Variants in DEFB126 observed in about 807,000 individuals in gnomAD.
DEFB126 encodes beta-defensin 126.
A neutral mutation model predicts 2.5 loss-of-function variants in DEFB126; 2 were observed. The ratio of observed to expected loss-of-function variants is 0.79; its 90% CI spans 0.32 to 2.49. The LOEUF (loss-of-function observed/expected upper bound fraction) is 2.49. Ranked by LOEUF, DEFB126 falls within the 30% of genes most tolerant of loss-of-function variation. The pLI is 0.11. For synonymous variants in DEFB126, 51 were observed against 45.4 expected (o/e 1.12, Z -0.50); for missense variants, 136 against 135.4 (o/e 1.00, Z -0.02).
chr20:142,631 G>GAAGT lies in DEFB126; in HGVS notation c.4_7dup (p.Ser3Ter). ...TCTATAGAACCCACTGCCTCCTGAT[G>GAAGT]AAGTCCCTACTGTTCACCCTTGCAG... On this transcript the variant is annotated frameshift_variant, in exon 1 of 2. Coordinates refer to ENST00000382398, the MANE Select transcript of DEFB126 (RefSeq NM_030931.4). LOFTEE classifies it high-confidence loss of function. The GAAGT allele has an allele frequency of 1.2e-6, 2 of 1,613,808 alleles. No homozygotes were observed. Among genetic ancestry groups the GAAGT allele is most frequent in the Non-Finnish European group, 1.7e-6 (2 of 1,179,726 alleles).
At chr20:144,988 T>C (rs1306226124) in intron 1 of DEFB126, among the ~76,000 whole-genome samples, 1 of 152,136 alleles carries the variant, frequency 6.6e-6, no homozygotes, top group Non-Finnish European at 1.5e-5. Flanking sequence ...GCCATATGTG[T>C]TTCAGTAATG....
At chr20:144,169 C>A (rs2054658460) in intron 1 of DEFB126, among the ~76,000 whole-genome samples, 1 of 152,038 alleles carries the variant, frequency 6.6e-6, no homozygotes, top group Non-Finnish European at 1.5e-5. Flanking sequence ...GTTTAAATTG[C>A]CTGATTTCTC....
In DEFB126 at chr20:142,810, T is replaced by G. The variant is rs1013083554; in HGVS notation, c.58+124T>G. On this transcript the variant is annotated intron_variant, in intron 1 of 1. Transcript: ENST00000382398. Reference sequence around the variant, plus strand: ...TCTCACTGGGAGCAGGGCTGAGATTTGTCCTACTTCTTCAGACCACCTCTG... The same window carrying G: ...TCTCACTGGGAGCAGGGCTGAGATTGGTCCTACTTCTTCAGACCACCTCTG... The G allele has an allele frequency of 4.0e-6, 4 of 1,008,404 alleles. No homozygotes were observed. In the African/African-American group the frequency reaches 6.4e-5, roughly 16 times the overall value. The allele number at this position is 1,008,404 out of a possible 1,614,324, so 62.5% of individuals were successfully genotyped here.
chr20:145,739 G>T lies in DEFB126; in HGVS notation c.*47G>T, dbSNP rs539055193. The T allele has an allele frequency of 8.2e-6, 13 of 1,576,492 alleles. No individual in the cohort carries two copies. The highest frequency in any genetic ancestry group is 7.7e-6 in the Non-Finnish European group (9 of 1,165,524). On this transcript the variant is annotated 3_prime_UTR_variant, in exon 2 of 2. Transcript: ENST00000382398. Reference sequence around the variant, plus strand: ...GCTCTAGGATCCCCGACTCATTAAAGCAAAGAGGCTTATTCTGGTGTCAGT... The same window carrying T: ...GCTCTAGGATCCCCGACTCATTAAATCAAAGAGGCTTATTCTGGTGTCAGT...
chr20:142,595 G>C lies in DEFB126; in HGVS notation c.-34G>C. ...TGTGTTCAGAGTCATACTGAATAGA[G>C]ACTTCTGGACTCTATAGAACCCACT... On this transcript the variant is annotated 5_prime_UTR_variant, in exon 1 of 2. Transcript: ENST00000382398. 1 of 1,609,858 alleles carries C rather than the reference G, an allele frequency of 6.2e-7. No individual in the cohort carries two copies. Among genetic ancestry groups the C allele is most frequent in the Non-Finnish European group, 8.5e-7 (1 of 1,176,234 alleles).
At chr20:143,106 GTT>G (rs1281814283) in intron 1 of DEFB126, among the ~76,000 whole-genome samples, 2 of 151,218 alleles carry the variant, frequency 1.3e-5, no homozygotes, top group East Asian at 3.9e-4. Flanking sequence ...CTGATTTTTT[GTT>G]TGTTTGTTTG....
At chr20:143,238 GCT>G (rs1427004580) in intron 1 of DEFB126, among the ~76,000 whole-genome samples, 6 of 152,072 alleles carry the variant, frequency 3.9e-5, no homozygotes, top group African/African-American at 1.4e-4. Context: ...TCAGATTTCA[GCT>G]CTGTTTGTGT....
intron 1 of DEFB126, among the ~76,000 whole-genome samples, chr20:144,984 T>G (rs932331188): frequency 3.5e-4 from 54 of 152,188 alleles, no homozygotes; most frequent in Admixed American, 3.5e-3. Flanking sequence ...AAAAGCCATA[T>G]GTGTTTCAGT....
In DEFB126 at chr20:144,511, T is replaced by C. The variant is rs184227022; in HGVS notation, c.59-904T>C. 4.6e-5 allele frequency among the ~76,000 whole-genome samples: 7 copies of C among 152,254 alleles called. 1 individual carries two copies. The East Asian group carries it at 1.3e-3, about 29-fold the overall frequency. ...TCCAATGTAAGGTCCTCAAATCATG[T>C]CTTTCTGTTCATTGTTTTATTCCCT... On this transcript the variant is annotated intron_variant, in intron 1 of 1. Coordinates refer to ENST00000382398, the MANE Select transcript of DEFB126 (RefSeq NM_030931.4).
rs757328244 is a variant in DEFB126 at position 145,544 on chromosome 20, A to G, written c.188A>G (p.Asp63Gly). The change falls in exon 2 of 2, where the codon GAC (aspartate) becomes GGC (glycine). Residue 63 changes from aspartate to glycine, a missense_variant. Asp to Gly is a moderately conservative substitution (Grantham distance 94). Transcript: ENST00000382398. ...GKQRDCCVPA[D>G]RRANYPVFCV... ...CAAAGGGACTGCTGTGTTCCAGCTG[A>G]CAGACGTGCTAATTATCCTGTTTTC... is the stretch of plus-strand genomic sequence containing the variant. The G allele has an allele frequency of 6.2e-7, 1 of 1,614,118 alleles. No individual in the cohort carries two copies. The highest frequency in any genetic ancestry group is 8.5e-7 in the Non-Finnish European group (1 of 1,179,974).
intron 1 of DEFB126, 143 bp from the exon 2 acceptor site, chr20:145,272 A>G (rs2054662481): frequency 2.8e-6 from 2 of 709,434 alleles, no homozygotes; most frequent in Non-Finnish European, 4.5e-6. Flanking sequence ...CTTAATCCTC[A>G]AAGTAGGTAT....
In DEFB126 at chr20:145,593, A is replaced by C; in HGVS notation, c.237A>C (p.Arg79Ser). The change falls in exon 2 of 2, where the codon AGA becomes AGC. Residue 79 changes from arginine to serine, a missense_variant. By Grantham distance (110) the Arg-to-Ser change is moderately radical. Transcript: ENST00000382398. ...TCTGTGTCCAGACAAAGACTACAAGAATTTCAACAGTAACAGCAACAACAG... is the reference window on the plus strand; with the variant it reads ...TCTGTGTCCAGACAAAGACTACAAGCATTTCAACAGTAACAGCAACAACAG... ...PVFCVQTKTT[R>S]ISTVTATTAT... The C allele has an allele frequency of 3.1e-6, 5 of 1,614,078 alleles. No homozygotes were observed. Among genetic ancestry groups the C allele is most frequent in the Non-Finnish European group, 4.2e-6 (5 of 1,179,960 alleles).
intron 1 of DEFB126, among the ~76,000 whole-genome samples, chr20:144,356 A>G (rs948094279): frequency 3.9e-5 from 6 of 152,136 alleles, no homozygotes; most frequent in African/African-American, 1.4e-4. Context: ...AGTAGTGGTA[A>G]TAGCATTCAA....
At chr20:143,559 C>G (rs2054656361) in intron 1 of DEFB126, among the ~76,000 whole-genome samples, 1 of 152,002 alleles carries the variant, frequency 6.6e-6, no homozygotes, top group South Asian at 2.1e-4. Context: ...ATTATTTTTT[C>G]TAATGTGTGA....
At chr20:142,744 A>G in intron 1 of DEFB126, 58 bp downstream of exon 1, 5 of 1,567,866 alleles carry the variant, frequency 3.2e-6, no homozygotes, top group Non-Finnish European at 4.4e-6. Context: ...CTGCACATGG[A>G]GTCCCTGTTT....
At position 142,676 on chromosome 20, in the gene DEFB126, A is replaced by G. The variant is rs1316320590; in HGVS notation, c.48A>G (p.Gln16=). ...FTLAVFMLLA[Q]LVSGNWYVKK... The stretch of plus-strand genomic sequence containing the variant: ...TTGCAGTTTTTATGCTCCTGGCCCA[A>G]TTGGTCTCAGGTAAACAGAATCTTG... The change falls in exon 1 of 2, where the codon CAA becomes CAG. Residue 16 remains glutamine (Q), a synonymous_variant. Transcript: ENST00000382398. The G allele has an allele frequency of 9.9e-6, 16 of 1,613,604 alleles. No homozygotes were observed. Among genetic ancestry groups the G allele is most frequent in the South Asian group, 6.6e-5 (6 of 91,082 alleles).
Position 145,449 on chromosome 20 carries a change from TG to T in DEFB126, c.95del (p.Gly32GlufsTer14), listed in dbSNP as rs780271265. 3.7e-6 allele frequency: 6 copies of T among 1,613,962 alleles called. No homozygotes were observed. In the Admixed American group the frequency reaches 8.3e-5, roughly 22 times the overall value. On this transcript the variant is annotated frameshift_variant, in exon 2 of 2. Coordinates refer to ENST00000382398, the MANE Select transcript of DEFB126 (RefSeq NM_030931.4). LOFTEE classifies it low-confidence loss of function (END_TRUNC). ...ATGTGAAAAAGTGTCTAAACGACGT[TG>T]GAATTTGCAAGAAGAAGTGCAAACC... ...WYVKKCLNDV[G>X]ICKKKCKPEE... is the part of the protein sequence containing the mutation.
In DEFB126 at chr20:145,435, T is replaced by G; in HGVS notation, c.79T>G (p.Cys27Gly). 3 of 1,613,872 alleles carry G rather than the reference T, an allele frequency of 1.9e-6. No individual in the cohort carries two copies. The highest frequency in any genetic ancestry group is 1.7e-6 in the Non-Finnish European group (2 of 1,179,842). The change falls in exon 2 of 2, where the codon TGT becomes GGT. Residue 27 changes from cysteine to glycine, a missense_variant. Cys to Gly is a radical substitution (Grantham distance 159). Coordinates refer to ENST00000382398, the MANE Select transcript of DEFB126 (RefSeq NM_030931.4). ...TTCAGGTAATTGGTATGTGAAAAAG[T>G]GTCTAAACGACGTTGGAATTTGCAA... ...LVSGNWYVKK[C>G]LNDVGICKKK...
intron 1 of DEFB126, 64 bp downstream of exon 1, chr20:142,750 T>G: frequency 6.5e-7 from 1 of 1,544,286 alleles, no homozygotes. Context: ...ATGGAGTCCC[T>G]GTTTCTAAGT....
Sources: allele counts gnomAD v4.1 joint callset (sites outside exome capture counted in the v4.1 genomes callset), GRCh38; gene constraint gnomAD v4.1.1; transcripts MANE v1.5; gene names NCBI Gene and HGNC (gene_info 2026-07-23, HGNC 2026-07-21).